CADM2: variants seen among roughly 807,000 people sequenced by gnomAD.
CADM2 encodes cell adhesion molecule 2.
A neutral mutation model predicts 49.8 loss-of-function variants in CADM2; 12 were observed. The observed-to-expected ratio is 0.24, with a 90% CI of 0.15 to 0.39. CADM2 has a LOEUF of 0.39. Among genes scored for constraint, CADM2 ranks in the 10% least tolerant of loss-of-function variants. The pLI is 1.00. For missense variants in CADM2, 378 were observed against 492.3 expected, an observed-to-expected ratio of 0.77 and a Z score of 2.20; for synonymous variants, 214 against 175.4, an observed-to-expected ratio of 1.22 and a Z score of -1.74.
Position 85,619,983 on chromosome 3 carries a change from G to T in CADM2, c.62-106539G>T, listed in dbSNP as rs1280262780. 2.0e-5 allele frequency among the ~76,000 whole-genome samples: 3 copies of T among 152,320 alleles called. No individual in the cohort carries two copies. The East Asian group carries it at 5.8e-4, about 29-fold the overall frequency. On this transcript the variant is annotated intron_variant, in intron 1 of 9. Coordinates refer to ENST00000383699, the MANE Select transcript of CADM2 (RefSeq NM_001167675.2). ...ATTTTACAATTATACAAACCAAAGT[G>T]TGATGAAATGTCTTTTCATGAAAGT...
At chr3:85,434,328 T>G (rs1210056300) in intron 1 of CADM2, among the ~76,000 whole-genome samples, 1 of 151,988 alleles carries the variant, frequency 6.6e-6, no homozygotes, top group Non-Finnish European at 1.5e-5. Context: ...ACTATTTTCA[T>G]TTTTTCTTTT....
chr3:85,174,720 G>T (rs928546587), intron 1 of CADM2, among the ~76,000 whole-genome samples: 1 of 151,824 alleles, frequency 6.6e-6, no homozygotes, highest in African/African-American at 2.4e-5. Flanking sequence ...TTTTAACATT[G>T]GCATAAGAGT....
chr3:85,239,385 G>A (rs1021060925), intron 1 of CADM2, among the ~76,000 whole-genome samples: 2 of 151,600 alleles, frequency 1.3e-5, no homozygotes, highest in African/African-American at 2.4e-5. Context: ...TCAAACTAAA[G>A]AGCTGTAACA....
intron 1 of CADM2, among the ~76,000 whole-genome samples, chr3:85,079,589 G>A (rs1036678483): frequency 1.3e-5 from 2 of 151,680 alleles, no homozygotes; most frequent in African/African-American, 4.8e-5. Context: ...AACCATGCTG[G>A]TATAAGAAAA....
In CADM2 at chr3:85,089,642, G is replaced by T. The variant is rs912864175; in HGVS notation, c.61+129974G>T. On this transcript the variant is annotated intron_variant, in intron 1 of 9. Coordinates refer to ENST00000383699, the MANE Select transcript of CADM2 (RefSeq NM_001167675.2). ...ATATTTCAGGTTTAAGGACTGAAAA[G>T]TATTTCCAACCTTTAACTGGAACAT... Among the ~76,000 whole-genome samples, 10 of 152,240 alleles carry T rather than the reference G, an allele frequency of 6.6e-5. No homozygotes were observed. The South Asian group carries it at 2.1e-3, about 32-fold the overall frequency.
At chr3:85,732,248 G>C (rs1210810556) in intron 2 of CADM2, among the ~76,000 whole-genome samples, 1 of 151,576 alleles carries the variant, frequency 6.6e-6, no homozygotes, top group Non-Finnish European at 1.5e-5. Context: ...GCGACAGAGG[G>C]AGACTCTGTC....
rs1739669576 is a variant in CADM2 at position 86,069,652 on chromosome 3, T to C, written c.*2869T>C. The C allele has an allele frequency of 6.6e-6, 1 of 151,984 alleles. No homozygotes were observed. Among genetic ancestry groups the C allele is most frequent in the African/African-American group, 2.4e-5 (1 of 41,426 alleles). The allele number at this position is 151,984 out of a possible 1,614,324, so 9.4% of individuals were successfully genotyped here. A position where few individuals can be genotyped will look rare whatever the true frequency, so the allele number is the denominator to read the frequency against. On this transcript the variant is annotated 3_prime_UTR_variant, in exon 10 of 10. Transcript: ENST00000383699. ...TGTGCACATAGAGTCAATTTCTGTC[T>C]CTTCTAAGTGAGCACAGTAGGTAGG...
chr3:85,678,945 C>G (rs1361953876), intron 1 of CADM2, among the ~76,000 whole-genome samples: 1 of 151,978 alleles, frequency 6.6e-6, no homozygotes, highest in African/African-American at 2.4e-5. Context: ...CATAGGGCAG[C>G]CCCCCACAGT....
intron 1 of CADM2, among the ~76,000 whole-genome samples, chr3:85,018,607 G>A (rs1261410262): frequency 4.0e-5 from 6 of 151,898 alleles, no homozygotes; most frequent in South Asian, 2.1e-4. Context: ...CACCTGCCTC[G>A]GCCTCCCAAG....
chr3:85,045,281 C>T (rs1401345642), intron 1 of CADM2, among the ~76,000 whole-genome samples: 1 of 152,102 alleles, frequency 6.6e-6, no homozygotes, highest in East Asian at 1.9e-4. Flanking sequence ...ATAGACCTAA[C>T]CTGGCAATTC....
chr3:85,092,370 C>G (rs755717014), intron 1 of CADM2, among the ~76,000 whole-genome samples: 37 of 152,048 alleles, frequency 2.4e-4, no homozygotes, highest in Non-Finnish European at 4.1e-4. Context: ...AAATTTAAGT[C>G]ATAATCAAAT....
chr3:85,423,366 G>C (rs1488062924), intron 1 of CADM2, among the ~76,000 whole-genome samples: 1 of 152,074 alleles, frequency 6.6e-6, no homozygotes, highest in Non-Finnish European at 1.5e-5. Flanking sequence ...CTCATTTAGG[G>C]CCACGGGTCC....
chr3:85,637,247 T>G (rs1209058032), intron 1 of CADM2, among the ~76,000 whole-genome samples: 1 of 152,194 alleles, frequency 6.6e-6, no homozygotes, highest in East Asian at 1.9e-4. Flanking sequence ...TATCAATAAT[T>G]TAATTGAATT....
At chr3:85,505,872 C>T (rs2040328074) in intron 1 of CADM2, among the ~76,000 whole-genome samples, 1 of 151,966 alleles carries the variant, frequency 6.6e-6, no homozygotes, top group Non-Finnish European at 1.5e-5. Context: ...GGTATTTTTG[C>T]TTTCGGTTAT....
chr3:85,898,687 C>T (rs538656754), intron 5 of CADM2, among the ~76,000 whole-genome samples: 106 of 150,900 alleles, frequency 7.0e-4, no homozygotes, highest in African/African-American at 2.3e-3. Flanking sequence ...TGGATACATA[C>T]GCCACAATTA....
At chr3:86,011,348 ATAAC>A (rs1487660355) in intron 8 of CADM2, among the ~76,000 whole-genome samples, 1 of 152,296 alleles carries the variant, frequency 6.6e-6, no homozygotes, top group East Asian at 1.9e-4. Context: ...ATCCATCTAT[ATAAC>A]TAACCATTTT....
At chr3:85,597,751 A>G (rs533400284) in intron 1 of CADM2, among the ~76,000 whole-genome samples, 4 of 152,122 alleles carry the variant, frequency 2.6e-5, no homozygotes, top group Admixed American at 6.6e-5. Context: ...CGATAAAAAC[A>G]AAACATTTAA....
chr3:85,327,527 A>G (rs2044785447), intron 1 of CADM2, among the ~76,000 whole-genome samples: 1 of 144,832 alleles, frequency 6.9e-6, no homozygotes, highest in South Asian at 2.4e-4. Context: ...AAGTGTTGGG[A>G]TTATAGGCAT....
intron 1 of CADM2, among the ~76,000 whole-genome samples, chr3:85,462,991 T>C (rs1164422514): frequency 6.6e-6 from 1 of 152,162 alleles, no homozygotes; most frequent in Non-Finnish European, 1.5e-5. Context: ...CTTCGTTTCC[T>C]CATCTGTGAA....
Sources: allele counts gnomAD v4.1 joint callset (sites outside exome capture counted in the v4.1 genomes callset), GRCh38; gene constraint gnomAD v4.1.1; transcripts MANE v1.5; gene names NCBI Gene and HGNC (gene_info 2026-07-23, HGNC 2026-07-21).